The following COBLL1 variants were observed in gnomAD, a reference collection of about 807,000 sequenced individuals.
The protein encoded by COBLL1 is cordon-bleu WH2 repeat protein like 1.
A neutral mutation model predicts 94.8 loss-of-function variants in COBLL1; 50 were observed. That is an observed-to-expected ratio of 0.53 (90% CI 0.42 to 0.67). The LOEUF (loss-of-function observed/expected upper bound fraction) is 0.67. Among genes scored for constraint, COBLL1 ranks in the 30% least tolerant of loss-of-function variants. The probability of loss-of-function intolerance (pLI) is 0.00; values close to 1 mark genes in which losing one functional copy is unlikely to be tolerated. For synonymous variants in COBLL1, 448 were observed against 473.8 expected (o/e 0.95, Z 0.71); for missense variants, 1,362 against 1,348.7 (o/e 1.01, Z -0.15).
intron 2 of COBLL1, among the ~76,000 whole-genome samples, chr2:164,768,108 C>G (rs912863670): frequency 6.6e-6 from 1 of 152,170 alleles, no homozygotes; most frequent in East Asian, 1.9e-4. Context: ...GATCCATACA[C>G]TGACAAACCT....
intron 5 of COBLL1, among the ~76,000 whole-genome samples, chr2:164,725,642 T>C (rs1355308886): frequency 6.6e-6 from 1 of 152,066 alleles, no homozygotes; most frequent in Non-Finnish European, 1.5e-5. Flanking sequence ...TGGTCGCAAA[T>C]TCCTAGGCTC....
chr2:164,774,197 A>G (rs944911879), intron 2 of COBLL1, among the ~76,000 whole-genome samples: 8 of 152,194 alleles, frequency 5.3e-5, no homozygotes, highest in African/African-American at 1.9e-4. Flanking sequence ...AATAAAATTC[A>G]GAGAAAAAAG....
chr2:164,694,402 T>A lies in COBLL1; in HGVS notation c.2990A>T (p.Gln997Leu). ...CTCGGTGCGCTCTTTACTGAAAGACTGTGACCTTTTCACTACAGCAAGAGC... is the reference window on the plus strand; with the variant it reads ...CTCGGTGCGCTCTTTACTGAAAGACAGTGACCTTTTCACTACAGCAAGAGC... ...PFALAVVKRS[Q>L]SFSKERTESP... Residue 997 changes from glutamine to leucine, a missense_variant, in exon 12 of 14, where the codon CAG becomes CTG. Transcript: ENST00000652658. 6.2e-7 allele frequency: 1 copy of A among 1,613,996 alleles called. No homozygotes were observed. Among genetic ancestry groups the A allele is most frequent in the East Asian group, 2.2e-5 (1 of 44,862 alleles).
intron 2 of COBLL1, among the ~76,000 whole-genome samples, chr2:164,810,646 C>G (rs1684416586): frequency 6.6e-6 from 1 of 151,510 alleles, no homozygotes; most frequent in Non-Finnish European, 1.5e-5. Flanking sequence ...CTCCAAATCA[C>G]TAAAGCTCAA....
At chr2:164,707,845 T>C (rs1684685451) in intron 7 of COBLL1, among the ~76,000 whole-genome samples, 2 of 152,204 alleles carry the variant, frequency 1.3e-5, no homozygotes, top group Admixed American at 6.5e-5. Flanking sequence ...ATTCATAAGA[T>C]ATTTTTCAGT....
intron 2 of COBLL1, among the ~76,000 whole-genome samples, chr2:164,805,106 G>T (rs1684023889): frequency 6.6e-6 from 1 of 151,242 alleles, no homozygotes; most frequent in Admixed American, 6.6e-5. Flanking sequence ...ATTAATATTT[G>T]ATTCATAAAT....
intron 2 of COBLL1, among the ~76,000 whole-genome samples, chr2:164,753,935 G>A (rs1000441549): frequency 2.0e-5 from 3 of 151,750 alleles, no homozygotes; most frequent in East Asian, 3.9e-4. Context: ...GTCGCACCAC[G>A]TTGGCCAGGC....
intron 9 of COBLL1, 101 bp from the exon 10 acceptor site, chr2:164,700,857 C>T: frequency 1.4e-6 from 1 of 723,250 alleles, no homozygotes. Flanking sequence ...ATTAGCTGGA[C>T]TCTTTTAAAT....
intron 7 of COBLL1, among the ~76,000 whole-genome samples, chr2:164,715,582 T>A (rs1685121804): frequency 6.6e-6 from 1 of 152,086 alleles, no homozygotes; most frequent in Non-Finnish European, 1.5e-5. Context: ...TTCATAAGTA[T>A]ATGACAATAC....
chr2:164,761,496 T>A (rs888041835), intron 2 of COBLL1: 3 of 149,572 alleles, frequency 2.0e-5, no homozygotes, highest in Admixed American at 2.0e-4. Context: ...TCATAACACA[T>A]CTGATAATAC....
rs775237717 is a variant in COBLL1 at position 164,722,408 on chromosome 2, T to C, written c.759+17A>G. Reference sequence around the variant, plus strand: ...AATTGAAGAATCTTACAAAATGCAATATAAGAAAATACTTACTTGGTCTCG... The same window carrying C: ...AATTGAAGAATCTTACAAAATGCAACATAAGAAAATACTTACTTGGTCTCG... On this transcript the variant is annotated intron_variant, in intron 6 of 13. Transcript: ENST00000652658. The C allele has an allele frequency of 1.2e-5, 18 of 1,497,638 alleles. No individual in the cohort carries two copies. In the South Asian group the frequency reaches 2.2e-4, roughly 18 times the overall value. The allele number at this position is 1,497,638 out of a possible 1,614,324, so 92.8% of individuals were successfully genotyped here.
At position 164,722,289 on chromosome 2, in the gene COBLL1, G is replaced by A; in HGVS notation, c.782C>T (p.Pro261Leu). ...RDQTASAPAT[P>L]LVNKHRPTFT... ...AGTTGGGCGGTGCTTATTTACTAGA[G>A]GGGTTGCAGGGGCACTTGCAGTCTA... is the stretch of plus-strand genomic sequence containing the variant. Residue 261 changes from proline to leucine, a missense_variant, in exon 7 of 14, where the codon CCT (proline) becomes CTT (leucine). Coordinates refer to ENST00000652658, the MANE Select transcript of COBLL1 (RefSeq NM_001365672.2). 6.2e-7 allele frequency: 1 copy of A among 1,613,834 alleles called. No individual in the cohort carries two copies. The highest frequency in any genetic ancestry group is 1.1e-5 in the South Asian group (1 of 91,024).
chr2:164,692,351 G>A lies in COBLL1; in HGVS notation c.3170C>T (p.Pro1057Leu), dbSNP rs1383265551. Residue 1057 changes from proline (P) to leucine (L), a missense_variant, in exon 13 of 14, where the codon CCA becomes CTA. Pro to Leu is a moderately conservative substitution (Grantham distance 98). Transcript: ENST00000652658. Reference protein sequence around the residue: ...HNEQNSQIPTPTDGPSFTVMR... With the variant: ...HNEQNSQIPTLTDGPSFTVMR... ...AACAGTGAATGATGGGCCATCAGTTGGAGTTGGTATTTGGGAATTCTGTTC... is the reference window on the plus strand; with the variant it reads ...AACAGTGAATGATGGGCCATCAGTTAGAGTTGGTATTTGGGAATTCTGTTC... The A allele has an allele frequency of 1.9e-6, 3 of 1,613,142 alleles. No individual in the cohort carries two copies. The highest frequency in any genetic ancestry group is 2.2e-5 in the East Asian group (1 of 44,846).
chr2:164,701,744 A>T (rs1684275581), intron 9 of COBLL1, among the ~76,000 whole-genome samples: 1 of 152,164 alleles, frequency 6.6e-6, no homozygotes, highest in Admixed American at 6.5e-5. Context: ...CTGAGCAGTT[A>T]ATGTTCATGC....
chr2:164,805,337 C>CTCTCTCTCTCTA (rs758137553), intron 2 of COBLL1, among the ~76,000 whole-genome samples: 2 of 17,048 alleles, frequency 1.2e-4, no homozygotes, highest in African/African-American at 2.3e-4. Context: ...CTCTCTCTCT[C>CTCTCTCTCTCTA]TATATATATA....
At position 164,807,733 on chromosome 2, in the gene COBLL1, C is replaced by T. The variant is rs544806277; in HGVS notation, c.41+33423G>A. ...AATAATTTAATTATTCTCCTATTAGCTTATCCTCTAAGCATTTAGGATAAT... is the reference window on the plus strand; with the variant it reads ...AATAATTTAATTATTCTCCTATTAGTTTATCCTCTAAGCATTTAGGATAAT... On this transcript the variant is annotated intron_variant, in intron 2 of 13. Coordinates refer to ENST00000652658, the MANE Select transcript of COBLL1 (RefSeq NM_001365672.2). Among the ~76,000 whole-genome samples the T allele has an allele frequency of 7.2e-5, 11 of 152,200 alleles. No homozygotes were observed. The East Asian group carries it at 1.9e-3, about 27-fold the overall frequency.
At chr2:164,713,621 CA>C (rs1685018636) in intron 7 of COBLL1, among the ~76,000 whole-genome samples, 1 of 152,114 alleles carries the variant, frequency 6.6e-6, no homozygotes, top group African/African-American at 2.4e-5. Flanking sequence ...CATTATTAGT[CA>C]ATGGTAACAT....
At chr2:164,762,556 A>T (rs1337278345) in intron 2 of COBLL1, among the ~76,000 whole-genome samples, 3 of 152,226 alleles carry the variant, frequency 2.0e-5, no homozygotes, top group African/African-American at 7.2e-5. Context: ...CAATATATCA[A>T]ATGTATAGTG....
chr2:164,740,907 C>T (rs571460691), intron 3 of COBLL1, among the ~76,000 whole-genome samples: 87 of 151,890 alleles, frequency 5.7e-4, no homozygotes, highest in African/African-American at 2.0e-3. Flanking sequence ...AGTTCATAAA[C>T]GTATTGAGGT....
Sources: allele counts gnomAD v4.1 joint callset (sites outside exome capture counted in the v4.1 genomes callset), GRCh38; gene constraint gnomAD v4.1.1; transcripts MANE v1.5; gene names NCBI Gene and HGNC (gene_info 2026-07-23, HGNC 2026-07-21).